Variants in GNA14 observed in about 807,000 individuals in gnomAD.
GNA14 encodes the protein guanine nucleotide-binding protein subunit alpha-14.
Under a neutral mutation model 42.0 loss-of-function variants are expected in GNA14, and 50 were observed. The ratio of observed to expected loss-of-function variants is 1.19; its 90% confidence interval spans 0.95 to 1.51. The LOEUF is 1.51. GNA14 is among the 40% of genes most tolerant of loss of function. The pLI, the probability that GNA14 is intolerant of heterozygous loss-of-function variation, is 0.00. For missense variants in GNA14, 473 were observed against 446.2 expected (o/e 1.06, Z -0.54); for synonymous variants, 173 against 163.1 (o/e 1.06, Z -0.46).
At chr9:77,631,499 A>G (rs992372462) in intron 1 of GNA14, among the ~76,000 whole-genome samples, 11 of 145,494 alleles carry the variant, frequency 7.6e-5, no homozygotes, top group African/African-American at 2.7e-4. Context: ...GTAAAAAACC[A>G]TCAAGAGCAT....
chr9:77,567,474 A>C (rs937659887), intron 1 of GNA14, among the ~76,000 whole-genome samples: 3 of 152,178 alleles, frequency 2.0e-5, no homozygotes, highest in Non-Finnish European at 4.4e-5. Context: ...TAGCAGGCAA[A>C]ATAAGATGAG....
chr9:77,478,874 G>C (rs1836486436), intron 2 of GNA14, among the ~76,000 whole-genome samples: 1 of 152,056 alleles, frequency 6.6e-6, no homozygotes, highest in African/African-American at 2.4e-5. Context: ...TGATGGGGTT[G>C]TTTGTTTTTT....
At chr9:77,537,593 A>T (rs1049215889) in intron 1 of GNA14, among the ~76,000 whole-genome samples, 3 of 152,200 alleles carry the variant, frequency 2.0e-5, no homozygotes, top group African/African-American at 7.2e-5. Context: ...CTTTGGATTA[A>T]TACCTAGTAG....
At chr9:77,646,443 C>A (rs531313464) in intron 1 of GNA14, among the ~76,000 whole-genome samples, 6 of 152,088 alleles carry the variant, frequency 3.9e-5, no homozygotes, top group Non-Finnish European at 7.4e-5. Flanking sequence ...CACACCCCCC[C>A]CCAACCCCCA....
At chr9:77,464,293 G>A (rs1836172462) in intron 2 of GNA14, among the ~76,000 whole-genome samples, 1 of 151,910 alleles carries the variant, frequency 6.6e-6, no homozygotes, top group African/African-American at 2.4e-5. Flanking sequence ...GAGCCACCAT[G>A]CCCGGCCATG....
At position 77,428,896 on chromosome 9, in the gene GNA14, G is replaced by T; in HGVS notation, c.723+11C>A. On this transcript the variant is annotated intron_variant, in intron 5 of 6. Coordinates refer to ENST00000341700, the MANE Select transcript of GNA14 (RefSeq NM_004297.4). ...GCTTCCACAGCTACCCAAACTTCCC[G>T]CCCAGCATACCTCGTTGTCACACTC... 1 of 1,611,742 alleles carries T rather than the reference G, an allele frequency of 6.2e-7. No homozygotes were observed. Among genetic ancestry groups the T allele is most frequent in the Middle Eastern group, 1.7e-4 (1 of 6,036 alleles).
At position 77,618,618 on chromosome 9, in the gene GNA14, ATAT is replaced by A. The variant is rs1564067875; in HGVS notation, c.124+29049_124+29051del. ...TATATATATATATATATATATATAT[ATAT>A]TTTTTTTTTTTTTTTTTTTTTTTTT... On this transcript the variant is annotated intron_variant, in intron 1 of 6. Coordinates refer to ENST00000341700, the MANE Select transcript of GNA14 (RefSeq NM_004297.4). Among the ~76,000 whole-genome samples, 67 of 7,004 alleles carry A rather than the reference ATAT, an allele frequency of 9.6e-3. 2 individuals carry two copies. Among genetic ancestry groups the A allele is most frequent in the Non-Finnish European group, 0.013 (53 of 4,204 alleles). 4.6% of individuals were successfully genotyped at this position (7,004 alleles called of 152,430 possible).
intron 2 of GNA14, among the ~76,000 whole-genome samples, chr9:77,458,904 A>AGTGGG (rs55765810): frequency 2.2e-5 from 3 of 134,410 alleles, no homozygotes; most frequent in Non-Finnish European, 4.9e-5. Context: ...CACAAGCTGG[A>AGTGGG]GGGGGGGGGG....
At chr9:77,517,387 T>C (rs1472897693) in intron 2 of GNA14, 1 of 151,968 alleles carries the variant, frequency 6.6e-6, no homozygotes, top group Non-Finnish European at 1.5e-5. Flanking sequence ...CATTAATTCA[T>C]TGTTTCAAAA....
intron 5 of GNA14, among the ~76,000 whole-genome samples, chr9:77,427,645 C>CCTGA (rs1221509208): frequency 6.6e-6 from 1 of 152,236 alleles, no homozygotes; most frequent in Non-Finnish European, 1.5e-5. Context: ...CTGTCCCCAA[C>CCTGA]CTGACAGAGA....
At chr9:77,612,981 G>A (rs1481216552) in intron 1 of GNA14, among the ~76,000 whole-genome samples, 1 of 152,160 alleles carries the variant, frequency 6.6e-6, no homozygotes, top group Non-Finnish European at 1.5e-5. Context: ...TCCATTGACA[G>A]ATGAATGGAT....
intron 1 of GNA14, among the ~76,000 whole-genome samples, chr9:77,539,256 G>A (rs968039974): frequency 4.6e-5 from 7 of 152,186 alleles, no homozygotes; most frequent in African/African-American, 1.7e-4. Context: ...TCCATTTATG[G>A]AGGTAATAAC....
At chr9:77,526,079 T>A (rs1214063416) in intron 2 of GNA14, among the ~76,000 whole-genome samples, 1 of 148,316 alleles carries the variant, frequency 6.7e-6, no homozygotes, top group Non-Finnish European at 1.5e-5. Context: ...TTTTTGTATT[T>A]TTTTTTTTTT....
chr9:77,568,351 G>A (rs1823004241), intron 1 of GNA14, among the ~76,000 whole-genome samples: 2 of 151,954 alleles, frequency 1.3e-5, no homozygotes, highest in Admixed American at 6.6e-5. Context: ...AATTAGCCAG[G>A]GGTGGTGGCA....
At chr9:77,493,086 G>A (rs1388863383) in intron 2 of GNA14, among the ~76,000 whole-genome samples, 3 of 145,674 alleles carry the variant, frequency 2.1e-5, no homozygotes, top group Non-Finnish European at 4.5e-5. Flanking sequence ...AGTGGAGCCA[G>A]CAGTCCTGGC....
In GNA14 at chr9:77,424,047, G is replaced by C. The variant is rs776009606; in HGVS notation, c.1000C>G (p.Arg334Gly). 6.2e-7 allele frequency: 1 copy of C among 1,610,938 alleles called. No homozygotes were observed. The highest frequency in any genetic ancestry group is 1.1e-5 in the South Asian group (1 of 90,334). ...TCTTTGACAGCAGCAAACACAAAGC[G>C]AATATTGTCTGTATCTGTAGCACAT... ...FTCATDTDNI[R>G]FVFAAVKDTI... is the part of the protein sequence containing the mutation. The change falls in exon 7 of 7, where the codon CGC becomes GGC. Residue 334 changes from arginine (R) to glycine (G), a missense_variant. By Grantham distance (125) the Arg-to-Gly change is moderately radical (BLOSUM62 -2). Transcript: ENST00000341700.
intron 1 of GNA14, among the ~76,000 whole-genome samples, chr9:77,563,926 CTAAACTTGTCA>C (rs1822924382): frequency 6.6e-6 from 1 of 152,154 alleles, no homozygotes; most frequent in Non-Finnish European, 1.5e-5. Context: ...GCTCTCTTGA[CTAAACTTGTCA>C]TAAAGTTGGA....
chr9:77,641,170 A>G (rs1285615812), intron 1 of GNA14, among the ~76,000 whole-genome samples: 1 of 132,730 alleles, frequency 7.5e-6, no homozygotes, highest in Admixed American at 8.1e-5. Context: ...GGAAGGAAGG[A>G]AGGAAGGGCA....
Position 77,536,929 on chromosome 9 carries a change from T to A in GNA14, c.125-7676A>T, listed in dbSNP as rs532122484. ...TTCTCCTATTTGCCATATGTGCATT[T>A]TTTTTTACATCTGCATGCATCTTTT... On this transcript the variant is annotated intron_variant, in intron 1 of 6. Coordinates refer to ENST00000341700, the MANE Select transcript of GNA14 (RefSeq NM_004297.4). Among the ~76,000 whole-genome samples, 379 of 152,334 alleles carry A rather than the reference T, an allele frequency of 2.5e-3. 4 individuals carry two copies. Among genetic ancestry groups the A allele is most frequent in the African/African-American group, 8.8e-3 (365 of 41,572 alleles).
Sources: allele counts gnomAD v4.1 joint callset (sites outside exome capture counted in the v4.1 genomes callset), GRCh38; gene constraint gnomAD v4.1.1; transcripts MANE v1.5; gene names NCBI Gene and HGNC (gene_info 2026-07-23, HGNC 2026-07-21).